CSMD1: variants seen among roughly 807,000 people sequenced by gnomAD.
The protein encoded by CSMD1 is CUB and sushi domain-containing protein 1.
A neutral mutation model predicts 417.5 loss-of-function variants in CSMD1; 213 were observed. The observed-to-expected ratio is 0.51, with a 90% CI of 0.46 to 0.57. CSMD1 has a LOEUF of 0.57. Ranked by LOEUF, CSMD1 falls within the 20% of genes least tolerant of loss-of-function variation. The probability of loss-of-function intolerance (pLI) is 0.00; values close to 1 mark genes in which losing one functional copy is unlikely to be tolerated. For synonymous variants in CSMD1, 2,862 were observed against 1,736.8 expected, an observed-to-expected ratio of 1.65 and a Z score of -16.11; for missense variants, 6,923 against 4,529.7, an observed-to-expected ratio of 1.53 and a Z score of -15.17.
At chr8:4,357,502 C>T (rs1473533293) in intron 3 of CSMD1, among the ~76,000 whole-genome samples, 1 of 152,186 alleles carries the variant, frequency 6.6e-6, no homozygotes, top group Non-Finnish European at 1.5e-5. Context: ...ACTTTATCCA[C>T]AGTTCCTCTG....
At chr8:3,868,666 G>C (rs1269245638) in intron 5 of CSMD1, among the ~76,000 whole-genome samples, 1 of 152,118 alleles carries the variant, frequency 6.6e-6, no homozygotes, top group African/African-American at 2.4e-5. Context: ...TCATACCTCT[G>C]CAATCTTTCC....
chr8:3,236,397 G>C (rs1272777934), intron 26 of CSMD1, among the ~76,000 whole-genome samples: 1 of 152,146 alleles, frequency 6.6e-6, no homozygotes, highest in Non-Finnish European at 1.5e-5. Context: ...AGTTCCTAGA[G>C]TTAGCCAGAT....
At chr8:3,316,933 A>G (rs1287477382) in intron 23 of CSMD1, among the ~76,000 whole-genome samples, 2 of 152,134 alleles carry the variant, frequency 1.3e-5, no homozygotes, top group African/African-American at 2.4e-5. Flanking sequence ...CTGCAAAAGT[A>G]TTTATTTAGT....
At chr8:3,226,574 T>C (rs1380533798) in intron 27 of CSMD1, among the ~76,000 whole-genome samples, 2 of 139,920 alleles carry the variant, frequency 1.4e-5, no homozygotes, top group Non-Finnish European at 1.5e-5. Context: ...AGAGCAAGAC[T>C]CTGTCTCAAA....
intron 17 of CSMD1, among the ~76,000 whole-genome samples, chr8:3,389,791 C>G (rs1185963902): frequency 6.6e-6 from 1 of 152,148 alleles, no homozygotes; most frequent in Non-Finnish European, 1.5e-5. Flanking sequence ...ATTTACATTT[C>G]AAACTGAATA....
rs180757284 is a variant in CSMD1, at chr8:4,025,997, T to C, written c.610+5908A>G. 2.1e-5 allele frequency among the ~76,000 whole-genome samples: 3 copies of C among 141,928 alleles called. No homozygotes were observed. The East Asian group carries it at 6.4e-4, about 30-fold the overall frequency. The allele number at this position is 141,928 out of a possible 152,430, so 93.1% of individuals were successfully genotyped here. On this transcript the variant is annotated intron_variant, in intron 4 of 69. Transcript: ENST00000635120. ...TTGTAGAAGGAGACAGTCATGCTAC[T>C]GTTAGGAACTCTATAAAAAAAAAAA... is the stretch of plus-strand genomic sequence containing the variant.
At position 4,345,618 on chromosome 8, in the gene CSMD1, G is replaced by C. The variant is rs550489973; in HGVS notation, c.415+74335C>G. ...AAATCACAGAAAACAAAAACAAAAA[G>C]TACCAAAATAATTACTGAAACACGG... On this transcript the variant is annotated intron_variant, in intron 3 of 69. Coordinates refer to ENST00000635120, the MANE Select transcript of CSMD1 (RefSeq NM_033225.6). 2.5e-3 allele frequency among the ~76,000 whole-genome samples: 373 copies of C among 152,040 alleles called. 3 individuals are homozygous for C. The highest frequency in any genetic ancestry group is 4.0e-3 in the Non-Finnish European group (269 of 67,948).
chr8:3,682,945 G>A (rs994262123), intron 7 of CSMD1, among the ~76,000 whole-genome samples: 1 of 151,960 alleles, frequency 6.6e-6, no homozygotes, highest in Non-Finnish European at 1.5e-5. Context: ...CTATCGCAAG[G>A]ACCAAAAACC....
chr8:4,787,279 A>G (rs542488231), intron 1 of CSMD1: 13 of 629,224 alleles, frequency 2.1e-5, no homozygotes, highest in Middle Eastern at 3.6e-4. Context: ...CCTCTTTTCT[A>G]GAGCTCTGCC....
intron 26 of CSMD1, among the ~76,000 whole-genome samples, chr8:3,278,099 G>C (rs1266061223): frequency 2.0e-5 from 3 of 152,116 alleles, no homozygotes; most frequent in Admixed American, 6.5e-5. Flanking sequence ...AAAAATATAT[G>C]AATCAGCCAA....
At chr8:3,678,731 A>G (rs1799505600) in intron 7 of CSMD1, among the ~76,000 whole-genome samples, 1 of 152,158 alleles carries the variant, frequency 6.6e-6, no homozygotes, top group South Asian at 2.1e-4. Context: ...AAGACACATA[A>G]TTGTCAGATT....
intron 1 of CSMD1, among the ~76,000 whole-genome samples, chr8:4,643,050 A>G (rs1481386646): frequency 6.6e-6 from 1 of 152,252 alleles, no homozygotes; most frequent in African/African-American, 2.4e-5. Flanking sequence ...CTGGGGCCTG[A>G]TATCATTTGA....
At chr8:4,526,336 A>G (rs1474163271) in intron 2 of CSMD1, among the ~76,000 whole-genome samples, 1 of 152,220 alleles carries the variant, frequency 6.6e-6, no homozygotes, top group Non-Finnish European at 1.5e-5. Context: ...GCAAAATACT[A>G]TGGTATTAGG....
intron 3 of CSMD1, among the ~76,000 whole-genome samples, chr8:4,303,422 GTTTTTTTTTTTTTTTTTTT>G: frequency 1.2e-5 from 1 of 85,250 alleles, no homozygotes; most frequent in Admixed American, 1.4e-4. Flanking sequence ...GCAGGAAGCT[GTTTTTTTTTTTTTTTTTTT>G]TTTTTTTTTT....
chr8:4,316,768 C>G (rs761919454), intron 3 of CSMD1, among the ~76,000 whole-genome samples: 1 of 152,098 alleles, frequency 6.6e-6, no homozygotes, highest in Non-Finnish European at 1.5e-5. Context: ...CCCCAAAACC[C>G]TTTTCAAATC....
chr8:4,538,662 T>C (rs1797229773), intron 2 of CSMD1, among the ~76,000 whole-genome samples: 1 of 151,778 alleles, frequency 6.6e-6, no homozygotes, highest in African/African-American at 2.4e-5. Flanking sequence ...TGAAATGAAA[T>C]GAAATATAAT....
At chr8:4,462,517 A>C (rs982677957) in intron 2 of CSMD1, among the ~76,000 whole-genome samples, 1 of 152,170 alleles carries the variant, frequency 6.6e-6, no homozygotes, top group Non-Finnish European at 1.5e-5. Flanking sequence ...ATGGATATTC[A>C]AAGGACTTAG....
rs1406391188 is a variant in CSMD1, at chr8:4,006,405, G to C, written c.611-8295C>G. ...CTAAAAATACAAAAAATAGCTGGGT[G>C]TGGTGGTCCATGCCTGTAATTCCAG... On this transcript the variant is annotated intron_variant, in intron 4 of 69. Transcript: ENST00000635120. 2.0e-5 allele frequency among the ~76,000 whole-genome samples: 3 copies of C among 152,174 alleles called. No homozygotes were observed. In the East Asian group the frequency reaches 5.8e-4, roughly 29 times the overall value.
At chr8:4,347,044 T>G (rs1012358350) in intron 3 of CSMD1, among the ~76,000 whole-genome samples, 3 of 152,166 alleles carry the variant, frequency 2.0e-5, no homozygotes, top group Non-Finnish European at 4.4e-5. Context: ...TTCCTCTAAT[T>G]ATCTAGACCA....
Sources: allele counts gnomAD v4.1 joint callset (sites outside exome capture counted in the v4.1 genomes callset), GRCh38; gene constraint gnomAD v4.1.1; transcripts MANE v1.5; gene names NCBI Gene and HGNC (gene_info 2026-07-23, HGNC 2026-07-21).